ATP8B2: variants seen among roughly 807,000 people sequenced by gnomAD.
ATP8B2 encodes the protein ATPase phospholipid transporting 8B2.
A neutral mutation model predicts 133.4 loss-of-function variants in ATP8B2; 70 were observed. The ratio of observed to expected loss-of-function variants is 0.52; its 90% confidence interval spans 0.43 to 0.64. The LOEUF (loss-of-function observed/expected upper bound fraction) is 0.64. Ranked by LOEUF, ATP8B2 falls within the 30% of genes least tolerant of loss-of-function variation. ATP8B2 has a pLI of 0.00. For missense variants in ATP8B2, 1,101 were observed against 1,535.7 expected (o/e 0.72, Z 4.73); for synonymous variants, 517 against 589.5 (o/e 0.88, Z 1.78).
rs542943117 is a variant in ATP8B2, at chr1:154,337,534, C to T, written c.1024C>T (p.Leu342Phe). 91 of 1,614,220 alleles carry T rather than the reference C, an allele frequency of 5.6e-5. No individual in the cohort carries two copies. Among genetic ancestry groups the T allele is most frequent in the Non-Finnish European group, 7.4e-5 (87 of 1,180,034 alleles). ...IILNTVVPIS[L>F]YVSVEVIRLG... ...CCTCAACACCGTTGTGCCCATTTCA[C>T]TCTATGTCAGGTATGTGCCTTCTCT... The change falls in exon 12 of 28, where the codon CTC becomes TTC. Residue 342 changes from leucine to phenylalanine, a missense_variant. Transcript: ENST00000368489.
chr1:154,343,281 G>T lies in ATP8B2; in HGVS notation c.1622G>T (p.Arg541Leu), dbSNP rs1686448517. 1.2e-6 allele frequency: 2 copies of T among 1,614,046 alleles called. No homozygotes were observed. Among genetic ancestry groups the T allele is most frequent in the Non-Finnish European group, 1.7e-6 (2 of 1,179,994 alleles). ...LLAILDFNNI[R>L]KRMSVIVRNP... ...GCCATCCTGGACTTCAACAACATCC[G>T]CAAGCGGATGTCGGTCATAGGTGAG... The change falls in exon 16 of 28, where the codon CGC (arginine) becomes CTC (leucine). Residue 541 changes from arginine to leucine, a missense_variant. By Grantham distance (102) the Arg-to-Leu change is moderately radical (BLOSUM62 -2). Coordinates refer to ENST00000368489, the MANE Select transcript of ATP8B2 (RefSeq NM_001370597.1). This position sits in a 1 kb window ranked among gnomAD's most constrained non-coding sequence, Gnocchi z 5.8.
chr1:154,342,650 G>A, intron 14 of ATP8B2, 127 bp downstream of exon 14: 1 of 1,438,814 alleles, frequency 7.0e-7, no homozygotes, highest in South Asian at 1.2e-5. Context: ...GGTGTTTTAA[G>A]GCAGAACTGG....
chr1:154,346,673 A>G lies in ATP8B2; in HGVS notation c.3078A>G (p.Gly1026=). The change falls in exon 26 of 28, where the codon GGA becomes GGG. Residue 1026 remains glycine (G), a synonymous_variant. Coordinates refer to ENST00000368489, the MANE Select transcript of ATP8B2 (RefSeq NM_001370597.1). The surrounding 1 kb of genome is among the most constrained non-coding windows in gnomAD (Gnocchi z 4.5). The stretch of plus-strand genomic sequence containing the variant: ...CCATCAACCACTTCTTCATCTGGGG[A>G]AGCCTTGCTGTTTACTTTGCCATCC... ...WTAINHFFIW[G]SLAVYFAILF... is the part of the protein sequence containing the mutation. 1 of 1,614,110 alleles carries G rather than the reference A, an allele frequency of 6.2e-7. No homozygotes were observed. The highest frequency in any genetic ancestry group is 8.5e-7 in the Non-Finnish European group (1 of 1,180,028).
intron 12 of ATP8B2, 32 bp downstream of exon 12, chr1:154,337,576 A>AG: frequency 6.2e-7 from 1 of 1,614,166 alleles, no homozygotes; most frequent in South Asian, 1.1e-5. Flanking sequence ...GGGTCTCTCC[A>AG]GGGAGTCAGG....
In ATP8B2 at chr1:154,344,268, A is replaced by C. The variant is rs781547262; in HGVS notation, c.2035+14A>C. The C allele has an allele frequency of 9.9e-6, 16 of 1,614,078 alleles. No individual in the cohort carries two copies. In the East Asian group the frequency reaches 3.3e-4, roughly 34 times the overall value. Reference sequence around the variant, plus strand: ...GAGACAAGCAAGGTGAGAGCCCAGCAGGGCAGAGCCAGTTGCAACTGACAG... The same window carrying C: ...GAGACAAGCAAGGTGAGAGCCCAGCCGGGCAGAGCCAGTTGCAACTGACAG... On this transcript the variant is annotated intron_variant, in intron 19 of 27. Transcript: ENST00000368489. The surrounding 1 kb of genome is among the most constrained non-coding windows in gnomAD (Gnocchi z 4.1).
In ATP8B2 at chr1:154,343,045, G is replaced by C. The variant is rs559961177; in HGVS notation, c.1454-68G>C. ...TGCTCTGCAATGCGGCTGGGCTGGG[G>C]CTTCCTGGGCGGGGCACGTGGCTGA... On this transcript the variant is annotated intron_variant, in intron 15 of 27. Transcript: ENST00000368489. The surrounding 1 kb of genome is among the most constrained non-coding windows in gnomAD (Gnocchi z 5.8). The C allele has an allele frequency of 8.8e-6, 14 of 1,594,926 alleles. No individual in the cohort carries two copies. In the African/African-American group the frequency reaches 1.5e-4, roughly 17 times the overall value.
At chr1:154,347,027 T>A (rs1330145715) in intron 26 of ATP8B2, among the ~76,000 whole-genome samples, 2 of 152,152 alleles carry the variant, frequency 1.3e-5, no homozygotes, top group African/African-American at 4.8e-5. Context: ...GTAGCTGGGA[T>A]TACAGGCACA....
intron 1 of ATP8B2, among the ~76,000 whole-genome samples, chr1:154,326,968 T>C (rs1430707636): frequency 1.3e-5 from 2 of 152,224 alleles, no homozygotes; most frequent in Non-Finnish European, 2.9e-5. Flanking sequence ...CCAGGCACCC[T>C]GGACTGCCAT....
intron 12 of ATP8B2, chr1:154,337,844 G>C: frequency 9.2e-7 from 1 of 1,090,646 alleles, no homozygotes; most frequent in Non-Finnish European, 1.2e-6. Context: ...GATGAATTAG[G>C]AATGGATCTC....
At chr1:154,348,677 C>A in intron 27 of ATP8B2, 139 bp downstream of exon 27, 1 of 1,411,814 alleles carries the variant, frequency 7.1e-7, no homozygotes, top group Non-Finnish European at 9.5e-7. Context: ...GGACAGACAC[C>A]CTGTGCAGCT....
In ATP8B2 at chr1:154,330,936, A is replaced by G; in HGVS notation, c.204+8A>G. On this transcript the variant is annotated splice_region_variant and intron_variant, in intron 4 of 27. Coordinates refer to ENST00000368489, the MANE Select transcript of ATP8B2 (RefSeq NM_001370597.1). ...TTCCTCCTCATTCTGCAGGTAGGTGACCCATAGTAGATTTTTTGCAGCTCC... is the reference window on the plus strand; with the variant it reads ...TTCCTCCTCATTCTGCAGGTAGGTGGCCCATAGTAGATTTTTTGCAGCTCC... The G allele has an allele frequency of 6.2e-7, 1 of 1,611,444 alleles. No individual in the cohort carries two copies. Among genetic ancestry groups the G allele is most frequent in the Non-Finnish European group, 8.5e-7 (1 of 1,177,766 alleles).
Position 154,344,465 on chromosome 1 carries a change from T to C in ATP8B2, c.2106T>C (p.Thr702=), listed in dbSNP as rs1294331598. 31 of 1,614,074 alleles carry C rather than the reference T, an allele frequency of 1.9e-5. No homozygotes were observed. Among genetic ancestry groups the C allele is most frequent in the Non-Finnish European group, 2.5e-5 (30 of 1,180,036 alleles). ...TDDMTEVFIV[T]GHTVLEVREE... is the part of the protein sequence containing the mutation. ...ACATGACTGAGGTTTTCATAGTCAC[T>C]GGCCATACTGTCCTGGAGGTGCGGG... The change falls in exon 20 of 28, where the codon ACT becomes ACC. Residue 702 remains threonine, a synonymous_variant. Coordinates refer to ENST00000368489, the MANE Select transcript of ATP8B2 (RefSeq NM_001370597.1). This position sits in a 1 kb window ranked among gnomAD's most constrained non-coding sequence, Gnocchi z 4.1.
chr1:154,344,277 C>G lies in ATP8B2; in HGVS notation c.2035+23C>G, dbSNP rs2149173831. On this transcript the variant is annotated intron_variant, in intron 19 of 27. Coordinates refer to ENST00000368489, the MANE Select transcript of ATP8B2 (RefSeq NM_001370597.1). The surrounding 1 kb of genome is among the most constrained non-coding windows in gnomAD (Gnocchi z 4.1). ...AAGGTGAGAGCCCAGCAGGGCAGAG[C>G]CAGTTGCAACTGACAGTAGCCCTGT... 6.2e-7 allele frequency: 1 copy of G among 1,614,014 alleles called. No homozygotes were observed. The highest frequency in any genetic ancestry group is 1.1e-5 in the South Asian group (1 of 91,084).
At chr1:154,335,219 T>C (rs1686137286) in intron 11 of ATP8B2, among the ~76,000 whole-genome samples, 1 of 152,070 alleles carries the variant, frequency 6.6e-6, no homozygotes, top group Non-Finnish European at 1.5e-5. Flanking sequence ...GTGGGCGAGG[T>C]TGTCTATCAC....
In ATP8B2 at chr1:154,334,559, ATC is replaced by A; in HGVS notation, c.806_807del (p.Ile269ArgfsTer45). 1 of 1,614,046 alleles carries A rather than the reference ATC, an allele frequency of 6.2e-7. No individual in the cohort carries two copies. The highest frequency in any genetic ancestry group is 2.2e-5 in the East Asian group (1 of 44,856). The part of the protein sequence containing the change: ...SGRTKFKRTS[I>X]DRLMNTLVLW... ...CAGAACAAAGTTCAAAAGAACGAGT[ATC>A]GATCGCCTAATGAATACCCTGGTGC... is the stretch of plus-strand genomic sequence containing the variant. On this transcript the variant is annotated frameshift_variant, in exon 11 of 28. Coordinates refer to ENST00000368489, the MANE Select transcript of ATP8B2 (RefSeq NM_001370597.1). LOFTEE classifies it high-confidence loss of function. The surrounding 1 kb of genome is among the most constrained non-coding windows in gnomAD (Gnocchi z 4.6).
At chr1:154,332,999 A>C (rs765340898) in intron 9 of ATP8B2, among the ~76,000 whole-genome samples, 9 of 152,208 alleles carry the variant, frequency 5.9e-5, no homozygotes, top group Non-Finnish European at 8.8e-5. Context: ...AAGACAAACC[A>C]TACAGAGTGT....
At position 154,346,209 on chromosome 1, in the gene ATP8B2, G is replaced by C. The variant is rs375696841; in HGVS notation, c.2779-22G>C. 7.5e-6 allele frequency: 12 copies of C among 1,610,534 alleles called. No individual in the cohort carries two copies. Among genetic ancestry groups the C allele is most frequent in the Non-Finnish European group, 1.0e-5 (12 of 1,178,456 alleles). The stretch of plus-strand genomic sequence containing the variant: ...AACGGCAACCTCTGAGGCCCCCTAT[G>C]CTACATGGTCCTCCCACACAGGATG... On this transcript the variant is annotated intron_variant, in intron 24 of 27. Transcript: ENST00000368489. The surrounding 1 kb of genome is among the most constrained non-coding windows in gnomAD (Gnocchi z 4.5).
rs377003802 is a variant in ATP8B2, at chr1:154,342,786, T to G, written c.1288-10T>G. 1 of 1,613,740 alleles carries G rather than the reference T, an allele frequency of 6.2e-7. No individual in the cohort carries two copies. Among genetic ancestry groups the G allele is most frequent in the Admixed American group, 1.7e-5 (1 of 59,992 alleles). On this transcript the variant is annotated splice_polypyrimidine_tract_variant and intron_variant, in intron 14 of 27. Transcript: ENST00000368489. ...CTAGCCTTTCCTAAGAGCCTTCTTA[T>G]GTGTTTCAGAGGCCTGAACCTGTTG...
At chr1:154,327,443 G>C (rs749892158) in intron 1 of ATP8B2, among the ~76,000 whole-genome samples, 3 of 152,028 alleles carry the variant, frequency 2.0e-5, no homozygotes, top group Non-Finnish European at 2.9e-5. Flanking sequence ...AGGGAGGGAG[G>C]GGCAAACTCC....
Sources: allele counts gnomAD v4.1 joint callset (sites outside exome capture counted in the v4.1 genomes callset), GRCh38; gene constraint gnomAD v4.1.1; non-coding constraint Gnocchi (gnomAD v3.1); transcripts MANE v1.5; gene names NCBI Gene and HGNC (gene_info 2026-07-23, HGNC 2026-07-21).